The following FAM241A variants were observed in gnomAD, a reference collection of about 807,000 sequenced individuals.
FAM241A encodes family with sequence similarity 241 member A, also known as uncharacterized protein FAM241A.
A neutral mutation model predicts 12.2 loss-of-function variants in FAM241A; 7 were observed. The ratio of observed to expected loss-of-function variants is 0.58; its 90% CI spans 0.33 to 1.08. The LOEUF is 1.08. Ranked by LOEUF, FAM241A falls within the 50% of genes least tolerant of loss-of-function variation. FAM241A has a pLI of 0.04. For missense variants in FAM241A, 161 were observed against 169.7 expected, an observed-to-expected ratio of 0.95 and a Z score of 0.29; for synonymous variants, 74 against 68.2, an observed-to-expected ratio of 1.08 and a Z score of -0.42.
Position 112,192,104 on chromosome 4 carries a change from A to G in FAM241A, c.*5166A>G, listed in dbSNP as rs1046021109. 1 of 152,198 alleles carries G rather than the reference A, an allele frequency of 6.6e-6. No homozygotes were observed. Among genetic ancestry groups the G allele is most frequent in the Admixed American group, 6.5e-5 (1 of 15,284 alleles). 9.4% of individuals were successfully genotyped at this position (152,198 alleles called of 1,614,324 possible). A position where few individuals can be genotyped will look rare whatever the true frequency, so the allele number is the denominator to read the frequency against. On this transcript the variant is annotated 3_prime_UTR_variant, in exon 2 of 2. Coordinates refer to ENST00000309733, the MANE Select transcript of FAM241A (RefSeq NM_152400.3). ...TGGGTTGATGTATACATTATAATTT[A>G]TAAAGCTATTCACTTCTGATAAAAG...
chr4:112,155,756 G>A (rs1723340385), intron 1 of FAM241A, among the ~76,000 whole-genome samples: 1 of 152,102 alleles, frequency 6.6e-6, no homozygotes, highest in African/African-American at 2.4e-5. Context: ...AGATTAAAAA[G>A]ATGAATGGTG....
At chr4:112,151,040 A>G (rs80113756) in intron 1 of FAM241A, among the ~76,000 whole-genome samples, 36 of 152,350 alleles carry the variant, frequency 2.4e-4, no homozygotes, top group African/African-American at 8.7e-4. Flanking sequence ...CAGCATTAAT[A>G]TAGTTTGGGC....
At chr4:112,184,751 AT>A (rs528558880) in intron 1 of FAM241A, among the ~76,000 whole-genome samples, 2 of 151,888 alleles carry the variant, frequency 1.3e-5, no homozygotes, top group East Asian at 1.9e-4. Context: ...CAAAAGTTAG[AT>A]TTTTTTTCAC....
intron 1 of FAM241A, among the ~76,000 whole-genome samples, chr4:112,175,879 A>G (rs1318523835): frequency 1.3e-5 from 2 of 152,202 alleles, no homozygotes; most frequent in Non-Finnish European, 2.9e-5. Flanking sequence ...GGTTTCCCCA[A>G]AGTTAAATCA....
At chr4:112,169,840 CTTCT>C (rs940183091) in intron 1 of FAM241A, among the ~76,000 whole-genome samples, 3 of 152,126 alleles carry the variant, frequency 2.0e-5, no homozygotes, top group African/African-American at 7.2e-5. Context: ...TAAAATTCTG[CTTCT>C]TTCTTAGTAT....
Position 112,145,458 on chromosome 4 carries a change from C to G in FAM241A, c.-123C>G, listed in dbSNP as rs1257215959. ...GCGCCCAGGCCGGCGGGGCGCGCTC[C>G]GGCGGCTCCTGTCAGCGGCGGGTGC... On this transcript the variant is annotated 5_prime_UTR_variant, in exon 1 of 2. Coordinates refer to ENST00000309733, the MANE Select transcript of FAM241A (RefSeq NM_152400.3). The G allele has an allele frequency of 9.9e-7, 1 of 1,007,410 alleles. No individual in the cohort carries two copies. Among genetic ancestry groups the G allele is most frequent in the Non-Finnish European group, 1.3e-6 (1 of 798,040 alleles). 62.4% of individuals were successfully genotyped at this position (1,007,410 alleles called of 1,614,324 possible). A position where few individuals can be genotyped will look rare whatever the true frequency, so the allele number is the denominator to read the frequency against.
intron 1 of FAM241A, among the ~76,000 whole-genome samples, chr4:112,164,815 A>G (rs184922237): frequency 6.6e-6 from 1 of 152,368 alleles, no homozygotes; most frequent in East Asian, 1.9e-4. Flanking sequence ...ACATTCCTCA[A>G]AAGAAGACAT....
intron 1 of FAM241A, among the ~76,000 whole-genome samples, chr4:112,146,938 TATTC>T (rs1195516372): frequency 6.6e-6 from 1 of 152,226 alleles, no homozygotes; most frequent in Non-Finnish European, 1.5e-5. Context: ...TCCCGTTAAC[TATTC>T]ATTTGCTCAA....
rs1350829622 is a variant in FAM241A, at chr4:112,177,132, A to G, written c.154-9561A>G. On this transcript the variant is annotated intron_variant, in intron 1 of 1. Transcript: ENST00000309733. ...ATGAAAATGTACTAACTTGCTGCAA[A>G]TAGCTTTACTTAAATTTTTGTACAG... Among the ~76,000 whole-genome samples the G allele has an allele frequency of 3.9e-5, 6 of 152,146 alleles. No homozygotes were observed. In the South Asian group the frequency reaches 6.2e-4, roughly 16 times the overall value.
chr4:112,145,518 T>C lies in FAM241A; in HGVS notation c.-63T>C, dbSNP rs1723114795. 3 of 1,200,108 alleles carry C rather than the reference T, an allele frequency of 2.5e-6. No homozygotes were observed. The highest frequency in any genetic ancestry group is 4.1e-5 in the South Asian group (1 of 24,448). 74.3% of individuals were successfully genotyped at this position (1,200,108 alleles called of 1,614,324 possible). A position where few individuals can be genotyped will look rare whatever the true frequency, so the allele number is the denominator to read the frequency against. ...CAGGGCAGCCTTCGGGCGGCGGCGC[T>C]GCCTGGTGCGTCGCGGCGTGGTCCT... On this transcript the variant is annotated 5_prime_UTR_variant, in exon 1 of 2. Coordinates refer to ENST00000309733, the MANE Select transcript of FAM241A (RefSeq NM_152400.3).
At chr4:112,180,447 A>G (rs1723911269) in intron 1 of FAM241A, among the ~76,000 whole-genome samples, 1 of 152,198 alleles carries the variant, frequency 6.6e-6, no homozygotes, top group Non-Finnish European at 1.5e-5. Flanking sequence ...TACAGTATTT[A>G]TGAAGAATTC....
chr4:112,187,116 G>T lies in FAM241A; in HGVS notation c.*178G>T, dbSNP rs555134916. The T allele has an allele frequency of 1.4e-4, 87 of 643,590 alleles. No homozygotes were observed. Among genetic ancestry groups the T allele is most frequent in the Non-Finnish European group, 2.0e-4 (75 of 378,064 alleles). The allele number at this position is 643,590 out of a possible 1,614,324, so 39.9% of individuals were successfully genotyped here. A position where few individuals can be genotyped will look rare whatever the true frequency, so the allele number is the denominator to read the frequency against. On this transcript the variant is annotated 3_prime_UTR_variant, in exon 2 of 2. Coordinates refer to ENST00000309733, the MANE Select transcript of FAM241A (RefSeq NM_152400.3). ...AAACTAAACTCTTGATCATAACAGGGTTGAATATATATTTTGAATATACAT... is the reference window on the plus strand; with the variant it reads ...AAACTAAACTCTTGATCATAACAGGTTTGAATATATATTTTGAATATACAT...
At chr4:112,153,903 T>G (rs2110420804) in intron 1 of FAM241A, among the ~76,000 whole-genome samples, 1 of 152,374 alleles carries the variant, frequency 6.6e-6, no homozygotes, top group Middle Eastern at 3.4e-3. Context: ...ATTGTGGTTT[T>G]TACAGTATTT....
chr4:112,145,601 G>C lies in FAM241A; in HGVS notation c.21G>C (p.Leu7=). The change falls in exon 1 of 2, where the codon CTG becomes CTC. Residue 7 remains leucine (L), a synonymous_variant. Transcript: ENST00000309733. ...GCGGGATGTGCTCAGCCGGGGAGCT[G>C]CTGCGGGGCGGCGACGGCGGGGAAC... MCSAGE[L]LRGGDGGERD... is the part of the protein sequence containing the mutation. 5 of 1,242,818 alleles carry C rather than the reference G, an allele frequency of 4.0e-6. No individual in the cohort carries two copies. Among genetic ancestry groups the C allele is most frequent in the Non-Finnish European group, 5.0e-6 (5 of 992,614 alleles). 77.0% of individuals were successfully genotyped at this position (1,242,818 alleles called of 1,614,324 possible). A position where few individuals can be genotyped will look rare whatever the true frequency, so the allele number is the denominator to read the frequency against.
chr4:112,181,415 C>T (rs993161656), intron 1 of FAM241A, among the ~76,000 whole-genome samples: 7 of 151,412 alleles, frequency 4.6e-5, no homozygotes, highest in African/African-American at 1.5e-4. Context: ...CCTGTTTATT[C>T]AACAAATATT....
chr4:112,148,503 G>A (rs1398060233), intron 1 of FAM241A, among the ~76,000 whole-genome samples: 2 of 152,130 alleles, frequency 1.3e-5, no homozygotes, highest in African/African-American at 4.8e-5. Context: ...AGTCTTTCCA[G>A]GTAGGGCGAT....
At chr4:112,184,992 C>T (rs1041057845) in intron 1 of FAM241A, among the ~76,000 whole-genome samples, 3 of 152,102 alleles carry the variant, frequency 2.0e-5, no homozygotes, top group African/African-American at 7.2e-5. Context: ...TTGTGACACT[C>T]CCTTATAAGA....
chr4:112,160,464 G>C (rs896904350), intron 1 of FAM241A, among the ~76,000 whole-genome samples: 2 of 150,530 alleles, frequency 1.3e-5, no homozygotes, highest in Non-Finnish European at 2.9e-5. Flanking sequence ...CAATATTGTT[G>C]AAATGTCCAT....
intron 1 of FAM241A, among the ~76,000 whole-genome samples, chr4:112,165,958 A>G (rs1049222497): frequency 2.0e-5 from 3 of 152,082 alleles, no homozygotes; most frequent in Admixed American, 6.5e-5. Context: ...TGGATACCCC[A>G]TTTTCCATGA....
Sources: allele counts gnomAD v4.1 joint callset (sites outside exome capture counted in the v4.1 genomes callset), GRCh38; gene constraint gnomAD v4.1.1; transcripts MANE v1.5; gene names NCBI Gene and HGNC (gene_info 2026-07-23, HGNC 2026-07-21).